The following MPDZ variants were observed in gnomAD, a reference collection of about 807,000 sequenced individuals.
The protein encoded by MPDZ is multiple PDZ domain protein.
MPDZ carries 234 observed loss-of-function variants against 239.1 expected under a neutral mutation model. The ratio of observed to expected loss-of-function variants is 0.98; its 90% CI spans 0.88 to 1.09. The LOEUF (loss-of-function observed/expected upper bound fraction) is 1.09, where lower values mean the gene tolerates loss of function less well. MPDZ is among the 50% of genes least tolerant of loss of function. The probability of loss-of-function intolerance (pLI) is 0.00; values close to 1 mark genes in which losing one functional copy is unlikely to be tolerated. For synonymous variants in MPDZ, 1,048 were observed against 881.3 expected, an observed-to-expected ratio of 1.19 and a Z score of -3.35; for missense variants, 3,175 against 2,510.0, an observed-to-expected ratio of 1.26 and a Z score of -5.66.
intron 12 of MPDZ, among the ~76,000 whole-genome samples, chr9:13,203,253 T>C (rs773270075): frequency 1.3e-5 from 2 of 152,172 alleles, no homozygotes; most frequent in Non-Finnish European, 2.9e-5. Flanking sequence ...TTTGAACTGA[T>C]TCTGCAAGAG....
At chr9:13,221,763 A>C (rs1191047524) in intron 6 of MPDZ, among the ~76,000 whole-genome samples, 1 of 151,986 alleles carries the variant, frequency 6.6e-6, no homozygotes, top group African/African-American at 2.4e-5. Flanking sequence ...TTGATTTGCA[A>C]GATCTTTTGT....
intron 39 of MPDZ, among the ~76,000 whole-genome samples, chr9:13,118,871 G>C (rs1359200616): frequency 1.3e-5 from 2 of 152,168 alleles, no homozygotes; most frequent in Non-Finnish European, 2.9e-5. Context: ...AAATGTACTT[G>C]AGTTTAGAAT....
At chr9:13,159,442 T>C (rs566944629) in intron 23 of MPDZ, among the ~76,000 whole-genome samples, 1 of 152,180 alleles carries the variant, frequency 6.6e-6, no homozygotes, top group African/African-American at 2.4e-5. Context: ...CTAAAAACAA[T>C]GTCAAAGAGT....
chr9:13,159,314 G>C (rs906782758), intron 23 of MPDZ, among the ~76,000 whole-genome samples: 2 of 152,118 alleles, frequency 1.3e-5, no homozygotes, highest in African/African-American at 4.8e-5. Flanking sequence ...CATTGGTTTT[G>C]TGTTTGAATT....
intron 44 of MPDZ, 128 bp from the exon 45 acceptor site, chr9:13,110,192 A>G (rs1478376438): frequency 2.9e-6 from 2 of 683,660 alleles, no homozygotes; most frequent in Non-Finnish European, 4.9e-6. Flanking sequence ...TTCTGTTAAC[A>G]TAAAATACAA....
At chr9:13,192,615 A>T (rs1955089465) in intron 14 of MPDZ, among the ~76,000 whole-genome samples, 1 of 152,126 alleles carries the variant, frequency 6.6e-6, no homozygotes, top group Non-Finnish European at 1.5e-5. Context: ...GAATAGTATA[A>T]AACTTTGACA....
chr9:13,115,473 A>G (rs1943255299), intron 39 of MPDZ, 139 bp from the exon 40 acceptor site: 7 of 676,146 alleles, frequency 1.0e-5, no homozygotes, highest in Non-Finnish European at 7.7e-6. Flanking sequence ...GGATACCTCC[A>G]ATCCCTTGTG....
At position 13,247,780 on chromosome 9, in the gene MPDZ, G is replaced by A; in HGVS notation, c.38C>T (p.Ala13Val). The change falls in exon 3 of 47, where the codon GCA becomes GTA. Residue 13 changes from alanine (A) to valine (V), a missense_variant. Physicochemically the swap from Ala to Val is moderately conservative, Grantham distance 64 (BLOSUM62 0). Coordinates refer to ENST00000319217, the MANE Select transcript of MPDZ (RefSeq NM_001378778.1). ...EAIDKNRALH[A>V]AERLQTKLRE... is the part of the protein sequence containing the mutation. Reference sequence around the variant, plus strand: ...CAGCTTGGTTTGCAAGCGCTCTGCTGCATGCAGGGCCCGATTTTTGTCTAT... The same window carrying A: ...CAGCTTGGTTTGCAAGCGCTCTGCTACATGCAGGGCCCGATTTTTGTCTAT... The A allele has an allele frequency of 6.2e-7, 1 of 1,608,854 alleles. No homozygotes were observed. Among genetic ancestry groups the A allele is most frequent in the Non-Finnish European group, 8.5e-7 (1 of 1,175,846 alleles).
chr9:13,107,085 C>T lies in MPDZ; in HGVS notation c.6093G>A (p.Leu2031=). ...CAGCAATGATCTGATCGCCCCTTTT[C>T]AGACGTCCGTCTTCAGAGGCTGCTC... The part of the protein sequence containing the change: ...AKGAASEDGR[L]KRGDQIIAVN... Residue 2031 remains leucine (L), a synonymous_variant, in exon 47 of 47, where the codon CTG becomes CTA. Coordinates refer to ENST00000319217, the MANE Select transcript of MPDZ (RefSeq NM_001378778.1). The T allele has an allele frequency of 6.3e-7, 1 of 1,581,684 alleles. No individual in the cohort carries two copies.
chr9:13,173,426 G>A (rs1952039820), intron 21 of MPDZ, among the ~76,000 whole-genome samples: 1 of 152,050 alleles, frequency 6.6e-6, no homozygotes, highest in South Asian at 2.1e-4. Flanking sequence ...AAGCAGGCCG[G>A]GCAGGGTGAC....
At chr9:13,131,163 C>T (rs1466995481) in intron 32 of MPDZ, among the ~76,000 whole-genome samples, 1 of 151,936 alleles carries the variant, frequency 6.6e-6, no homozygotes, top group Non-Finnish European at 1.5e-5. Flanking sequence ...TTTCTTTCTC[C>T]CTTCTTTGCT....
At chr9:13,114,711 C>T (rs1216680015) in intron 40 of MPDZ, among the ~76,000 whole-genome samples, 1 of 151,984 alleles carries the variant, frequency 6.6e-6, no homozygotes, top group African/African-American at 2.4e-5. Context: ...ACCAGCCTGG[C>T]TGACATGGCG....
intron 29 of MPDZ, 71 bp from the exon 30 acceptor site, chr9:13,136,874 T>C (rs1235233859): frequency 3.8e-6 from 3 of 792,378 alleles, no homozygotes; most frequent in Non-Finnish European, 5.9e-6. Flanking sequence ...CCTTCCTCAT[T>C]AATGAAAAGC....
chr9:13,239,909 T>C (rs1168371575), intron 3 of MPDZ, among the ~76,000 whole-genome samples: 1 of 152,122 alleles, frequency 6.6e-6, no homozygotes, highest in Non-Finnish European at 1.5e-5. Flanking sequence ...TTTTCTTTAT[T>C]TAAATCTCAA....
At chr9:13,137,153 G>C (rs1466406764) in intron 29 of MPDZ, among the ~76,000 whole-genome samples, 4 of 152,170 alleles carry the variant, frequency 2.6e-5, no homozygotes, top group South Asian at 4.1e-4. Flanking sequence ...AAAAACTTGC[G>C]ACCTGCAAGA....
intron 22 of MPDZ, among the ~76,000 whole-genome samples, chr9:13,164,620 C>A (rs1383560236): frequency 3.9e-5 from 6 of 152,090 alleles, no homozygotes; most frequent in Admixed American, 3.3e-4. Flanking sequence ...GTTTCCATCC[C>A]AAACAATGTT....
chr9:13,132,282 C>T (rs1946111531), intron 32 of MPDZ, among the ~76,000 whole-genome samples: 1 of 152,164 alleles, frequency 6.6e-6, no homozygotes, highest in Admixed American at 6.5e-5. Context: ...TTAATATAGG[C>T]AGCACCATTT....
intron 1 of MPDZ, among the ~76,000 whole-genome samples, chr9:13,264,796 C>T (rs961038154): frequency 1.3e-4 from 20 of 152,154 alleles, no homozygotes; most frequent in African/African-American, 4.6e-4. Flanking sequence ...ACCCTCCCCT[C>T]AAACTGTTAA....
chr9:13,219,467 A>G lies in MPDZ; in HGVS notation c.1086+92T>C. ...TCCATTCTTTAGCACTAATATAGGA[A>G]CATTAGTAAGTCTAGTTTCTAAGTA... On this transcript the variant is annotated intron_variant, in intron 8 of 46. Transcript: ENST00000319217. The G allele has an allele frequency of 3.6e-6, 4 of 1,119,908 alleles. No homozygotes were observed. In the East Asian group the frequency reaches 1.0e-4, roughly 29 times the overall value. The allele number at this position is 1,119,908 out of a possible 1,614,324, so 69.4% of individuals were successfully genotyped here. A position where few individuals can be genotyped will look rare whatever the true frequency, so the allele number is the denominator to read the frequency against.
Sources: gnomAD v4.1 joint callset for allele counts (sites outside exome capture counted in the v4.1 genomes callset) on GRCh38, gnomAD v4.1.1 for gene constraint, MANE v1.5 for transcripts, NCBI Gene and HGNC (gene_info 2026-07-23, HGNC 2026-07-21) for gene names.